The following SEMA3E variants were observed in gnomAD, a reference collection of about 807,000 sequenced individuals.
The protein encoded by SEMA3E is semaphorin-3E.
SEMA3E carries 49 observed loss-of-function variants against 93.6 expected under a neutral mutation model. The observed-to-expected ratio is 0.52, with a 90% CI of 0.42 to 0.66. The LOEUF is 0.66. SEMA3E is among the 30% of genes least tolerant of loss of function. The probability of loss-of-function intolerance (pLI) is 0.00; values close to 1 mark genes in which losing one functional copy is unlikely to be tolerated. For missense variants in SEMA3E, 906 were observed against 964.8 expected (o/e 0.94, Z 0.81); for synonymous variants, 363 against 330.7 (o/e 1.10, Z -1.06).
chr7:83,380,580 T>C (rs1401103572), intron 16 of SEMA3E, among the ~76,000 whole-genome samples: 1 of 151,986 alleles, frequency 6.6e-6, no homozygotes, highest in Non-Finnish European at 1.5e-5. Context: ...GTGGCTCAAA[T>C]GTCATCTCTG....
intron 1 of SEMA3E, among the ~76,000 whole-genome samples, chr7:83,571,891 T>C (rs1410544591): frequency 6.6e-6 from 1 of 152,030 alleles, no homozygotes; most frequent in Non-Finnish European, 1.5e-5. Context: ...GGGTACAAAA[T>C]CAATGTATAA....
At chr7:83,520,191 T>A (rs1325283228) in intron 1 of SEMA3E, among the ~76,000 whole-genome samples, 1 of 152,116 alleles carries the variant, frequency 6.6e-6, no homozygotes, top group African/African-American at 2.4e-5. Flanking sequence ...ACTTAAATAT[T>A]TATTACTCAA....
intron 1 of SEMA3E, among the ~76,000 whole-genome samples, chr7:83,606,176 A>C (rs1192917591): frequency 6.6e-6 from 1 of 152,218 alleles, no homozygotes; most frequent in East Asian, 1.9e-4. Flanking sequence ...ATGCATTTCA[A>C]GCTGCAAAAT....
chr7:83,509,312 T>C (rs1790765623), intron 1 of SEMA3E, among the ~76,000 whole-genome samples: 1 of 152,074 alleles, frequency 6.6e-6, no homozygotes. Context: ...GGGGAAAACA[T>C]GAAGGTTGAT....
intron 1 of SEMA3E, among the ~76,000 whole-genome samples, chr7:83,599,488 T>C (rs2115975659): frequency 6.6e-6 from 1 of 152,340 alleles, no homozygotes; most frequent in Non-Finnish European, 1.5e-5. Context: ...AGTTGACTTG[T>C]AGCCATTAAA....
At chr7:83,536,080 G>A (rs1235917299) in intron 1 of SEMA3E, among the ~76,000 whole-genome samples, 8 of 151,882 alleles carry the variant, frequency 5.3e-5, no homozygotes, top group Non-Finnish European at 1.2e-4. Context: ...TGATAAATGG[G>A]GTAATTCTTT....
intron 1 of SEMA3E, among the ~76,000 whole-genome samples, chr7:83,530,379 C>T (rs1006739032): frequency 5.9e-5 from 9 of 152,132 alleles, no homozygotes; most frequent in Non-Finnish European, 1.3e-4. Flanking sequence ...TACTGCCTCT[C>T]ACTATAAACA....
chr7:83,531,356 TTTTTTTC>T (rs1291177960), intron 1 of SEMA3E, among the ~76,000 whole-genome samples: 1 of 139,306 alleles, frequency 7.2e-6, no homozygotes, highest in East Asian at 2.0e-4. Context: ...TTTTTTTTTT[TTTTTTTC>T]CGAGATGGAG....
intron 1 of SEMA3E, among the ~76,000 whole-genome samples, chr7:83,598,658 T>C (rs727549): frequency 0.27 from 40,685 of 151,874 alleles, 5,874 homozygotes; most frequent in Middle Eastern, 0.37. Context: ...GCAGAGAGAG[T>C]TGAAACTGGG....
intron 5 of SEMA3E, among the ~76,000 whole-genome samples, chr7:83,413,107 A>G (rs948989400): frequency 7.7e-4 from 118 of 152,284 alleles, no homozygotes; most frequent in Non-Finnish European, 2.9e-4. Context: ...TGTAACTAAA[A>G]TACTTTTCTA....
At chr7:83,505,318 G>A (rs1194110327) in intron 1 of SEMA3E, among the ~76,000 whole-genome samples, 2 of 151,930 alleles carry the variant, frequency 1.3e-5, no homozygotes, top group African/African-American at 2.4e-5. Flanking sequence ...CAGAGGATCA[G>A]ACAATATAAA....
intron 1 of SEMA3E, among the ~76,000 whole-genome samples, chr7:83,613,756 A>C (rs1793311475): frequency 6.6e-6 from 1 of 152,096 alleles, no homozygotes; most frequent in Admixed American, 6.6e-5. Flanking sequence ...CAGTTCTTTA[A>C]AATAAAATAC....
rs575785578 is a variant in SEMA3E at position 83,450,279 on chromosome 7, A to G, written c.456+16203T>C. ...ATTCCACTACTAAAATATACTAACT[A>G]AAAACACACCCATAAGTTCACCAAA... On this transcript the variant is annotated intron_variant, in intron 4 of 16. Coordinates refer to ENST00000643230, the MANE Select transcript of SEMA3E (RefSeq NM_012431.3). Among the ~76,000 whole-genome samples the G allele has an allele frequency of 3.3e-5, 5 of 152,342 alleles. No individual in the cohort carries two copies. In the East Asian group the frequency reaches 9.6e-4, roughly 29 times the overall value.
At position 83,387,673 on chromosome 7, in the gene SEMA3E, G is replaced by A. The variant is rs557426509; in HGVS notation, c.1668-623C>T. On this transcript the variant is annotated intron_variant, in intron 14 of 16. Coordinates refer to ENST00000643230, the MANE Select transcript of SEMA3E (RefSeq NM_012431.3). Reference sequence around the variant, plus strand: ...TAGCAGAATTTTGTGCATCTAGTGGGACTCAAGAAATATTAGTATTTTCCC... The same window carrying A: ...TAGCAGAATTTTGTGCATCTAGTGGAACTCAAGAAATATTAGTATTTTCCC... 9.9e-4 allele frequency among the ~76,000 whole-genome samples: 150 copies of A among 151,134 alleles called. 1 individual carries two copies. Among genetic ancestry groups the A allele is most frequent in the African/African-American group, 3.5e-3 (146 of 41,252 alleles).
At chr7:83,373,603 T>C (rs1189933872) in intron 16 of SEMA3E, among the ~76,000 whole-genome samples, 1 of 151,894 alleles carries the variant, frequency 6.6e-6, no homozygotes, top group African/African-American at 2.4e-5. Context: ...GAAGAACAAA[T>C]GTGGAAAAAC....
At chr7:83,424,199 G>A (rs1788725664) in intron 4 of SEMA3E, among the ~76,000 whole-genome samples, 1 of 151,998 alleles carries the variant, frequency 6.6e-6, no homozygotes, top group Admixed American at 6.6e-5. Flanking sequence ...TTGTAGTTTG[G>A]GATACTTCTC....
At chr7:83,437,746 C>T (rs1789033913) in intron 4 of SEMA3E, among the ~76,000 whole-genome samples, 1 of 152,128 alleles carries the variant, frequency 6.6e-6, no homozygotes, top group African/African-American at 2.4e-5. Context: ...GGAACAAGTG[C>T]TCCTTGGAGA....
At chr7:83,370,657 C>A (rs977695880) in intron 16 of SEMA3E, among the ~76,000 whole-genome samples, 5 of 152,030 alleles carry the variant, frequency 3.3e-5, no homozygotes, top group Non-Finnish European at 7.4e-5. Flanking sequence ...TCTCATCCTG[C>A]GTAACTGAAT....
Position 83,400,184 on chromosome 7 carries a change from A to G in SEMA3E, c.1210T>C (p.Phe404Leu), listed in dbSNP as rs1788210151. The change falls in exon 11 of 17, where the codon TTT becomes CTT. Residue 404 changes from phenylalanine (F) to leucine (L), a missense_variant. Physicochemically the swap from Phe to Leu is conservative, Grantham distance 22 (BLOSUM62 0). Transcript: ENST00000643230. ...TKDYPDDAIR[F>L]ARSHPLMYQA... ...TACATTAGTGGATGACTTCTTGCAA[A>G]TCGGATGGCATCATCAGGATAGTCC... The G allele has an allele frequency of 6.2e-7, 1 of 1,613,924 alleles. No individual in the cohort carries two copies. The highest frequency in any genetic ancestry group is 1.1e-5 in the South Asian group (1 of 91,076).
Sources: gnomAD v4.1 joint callset for allele counts (sites outside exome capture counted in the v4.1 genomes callset) on GRCh38, gnomAD v4.1.1 for gene constraint, MANE v1.5 for transcripts, NCBI Gene and HGNC (gene_info 2026-07-23, HGNC 2026-07-21) for gene names.